ADGRL3: variants seen among roughly 807,000 people sequenced by gnomAD.
The protein encoded by ADGRL3 is calcium-independent alpha-latrotoxin receptor 3.
ADGRL3 carries 62 observed loss-of-function variants against 153.5 expected under a neutral mutation model. The ratio of observed to expected loss-of-function variants is 0.40; its 90% CI spans 0.33 to 0.50. The LOEUF is 0.50. Ranked by LOEUF, ADGRL3 falls within the 20% of genes least tolerant of loss-of-function variation. The pLI is 0.47. For missense variants in ADGRL3, 1,641 were observed against 1,859.4 expected (o/e 0.88, Z 2.16); for synonymous variants, 710 against 672.5 (o/e 1.06, Z -0.86).
intron 25 of ADGRL3, among the ~76,000 whole-genome samples, chr4:62,047,263 T>C (rs2151713747): frequency 6.6e-6 from 1 of 152,112 alleles, no homozygotes; most frequent in East Asian, 1.9e-4. Flanking sequence ...GAAGCTGTTT[T>C]CCAAAAATTA....
intron 1 of ADGRL3, among the ~76,000 whole-genome samples, chr4:61,249,158 G>T (rs996235389): frequency 1.6e-4 from 25 of 152,142 alleles, no homozygotes; most frequent in Admixed American, 6.6e-5. Flanking sequence ...GGATGAAATA[G>T]AAATTACAGT....
chr4:61,579,835 T>C (rs73215850), intron 4 of ADGRL3, among the ~76,000 whole-genome samples: 1,648 of 152,200 alleles, frequency 0.011, 27 homozygotes, highest in African/African-American at 0.038. Context: ...TTTTTTGAAA[T>C]AGAATTGTTA....
chr4:61,502,403 C>T (rs1003397320), intron 3 of ADGRL3, among the ~76,000 whole-genome samples: 2 of 151,466 alleles, frequency 1.3e-5, no homozygotes, highest in African/African-American at 2.4e-5. Flanking sequence ...GGAATAACGG[C>T]GAGCGGTATG....
At chr4:61,640,387 C>A (rs536241401) in intron 5 of ADGRL3, among the ~76,000 whole-genome samples, 1 of 152,206 alleles carries the variant, frequency 6.6e-6, no homozygotes, top group East Asian at 1.9e-4. Context: ...TCATGTTGCC[C>A]CAAAGATCCC....
intron 8 of ADGRL3, among the ~76,000 whole-genome samples, chr4:61,761,799 C>A (rs1189004259): frequency 6.6e-6 from 1 of 152,146 alleles, no homozygotes; most frequent in Non-Finnish European, 1.5e-5. Flanking sequence ...TGTGGTGGCA[C>A]ATACCTATAG....
intron 9 of ADGRL3, among the ~76,000 whole-genome samples, chr4:61,831,810 G>C (rs550607415): frequency 2.4e-4 from 37 of 152,200 alleles, no homozygotes; most frequent in African/African-American, 8.2e-4. Context: ...GGGGGTGCAA[G>C]CTTCCCAAAA....
intron 1 of ADGRL3, among the ~76,000 whole-genome samples, chr4:61,339,708 G>A (rs922798491): frequency 6.6e-6 from 1 of 152,112 alleles, no homozygotes; most frequent in Non-Finnish European, 1.5e-5. Flanking sequence ...ACAACATATA[G>A]CTACATAGCC....
chr4:61,729,225 C>A (rs1467275459), intron 6 of ADGRL3, among the ~76,000 whole-genome samples: 8 of 151,790 alleles, frequency 5.3e-5, no homozygotes, highest in Admixed American at 2.0e-4. Flanking sequence ...CTATTTAAAA[C>A]ATAATAATAT....
intron 2 of ADGRL3, among the ~76,000 whole-genome samples, chr4:61,392,071 G>A (rs1335364816): frequency 5.4e-5 from 8 of 147,666 alleles, no homozygotes; most frequent in Admixed American, 1.4e-4. Flanking sequence ...GGGTTTTGCC[G>A]TGTTAGCCAG....
At chr4:61,933,906 G>C (rs1156855999) in intron 13 of ADGRL3, 2 of 152,192 alleles carry the variant, frequency 1.3e-5, no homozygotes, top group Non-Finnish European at 2.9e-5. Flanking sequence ...TTCTGGATTA[G>C]ATGCATATTT....
At chr4:61,829,292 A>G (rs1042418933) in intron 9 of ADGRL3, among the ~76,000 whole-genome samples, 3 of 152,226 alleles carry the variant, frequency 2.0e-5, no homozygotes. Flanking sequence ...AAACAAATGA[A>G]TAGTCCATTC....
intron 8 of ADGRL3, among the ~76,000 whole-genome samples, chr4:61,807,852 A>T (rs553360465): frequency 2.7e-4 from 41 of 152,226 alleles, no homozygotes; most frequent in African/African-American, 9.6e-4. Context: ...ATAGCCCCAA[A>T]TTGATTGTTA....
chr4:61,996,442 G>T, intron 20 of ADGRL3, 85 bp downstream of exon 20: 1 of 940,174 alleles, frequency 1.1e-6, no homozygotes. Flanking sequence ...TTAATTTACA[G>T]AGGTTAATTT....
chr4:61,682,889 T>C (rs1170814100), intron 6 of ADGRL3, among the ~76,000 whole-genome samples: 3 of 152,082 alleles, frequency 2.0e-5, no homozygotes, highest in Non-Finnish European at 2.9e-5. Flanking sequence ...TAATAAAATA[T>C]TAGGGGTCAA....
At chr4:62,006,023 TA>T (rs1560495195) in intron 21 of ADGRL3, among the ~76,000 whole-genome samples, 49 of 104,336 alleles carry the variant, frequency 4.7e-4, no homozygotes, top group African/African-American at 1.7e-3. Flanking sequence ...TATATATATA[TA>T]TATATATATT....
intron 4 of ADGRL3, among the ~76,000 whole-genome samples, chr4:61,548,032 T>G (rs2098722166): frequency 6.6e-6 from 1 of 151,754 alleles, no homozygotes; most frequent in Admixed American, 6.6e-5. Flanking sequence ...TGTTGATGAT[T>G]AGTGATGTTG....
chr4:61,695,521 A>T (rs1347619009), intron 6 of ADGRL3, among the ~76,000 whole-genome samples: 2 of 152,168 alleles, frequency 1.3e-5, no homozygotes, highest in African/African-American at 2.4e-5. Flanking sequence ...TTGTTATTCC[A>T]TCTATAGAGT....
intron 4 of ADGRL3, among the ~76,000 whole-genome samples, chr4:61,564,176 T>G (rs1218257441): frequency 6.7e-6 from 1 of 148,446 alleles, no homozygotes; most frequent in Non-Finnish European, 1.5e-5. Flanking sequence ...CTGTTTTGAC[T>G]TTTTTTTTTA....
intron 1 of ADGRL3, among the ~76,000 whole-genome samples, chr4:61,370,630 G>T (rs1383713609): frequency 1.3e-5 from 2 of 151,880 alleles, no homozygotes; most frequent in Non-Finnish European, 2.9e-5. Context: ...TACATTTGCT[G>T]AGGAGAGCTT....
Sources: allele counts gnomAD v4.1 joint callset (sites outside exome capture counted in the v4.1 genomes callset), GRCh38; gene constraint gnomAD v4.1.1; transcripts MANE v1.5; gene names NCBI Gene and HGNC (gene_info 2026-07-23, HGNC 2026-07-21).